PPM1A: variants seen among roughly 807,000 people sequenced by gnomAD.
The protein encoded by PPM1A is protein phosphatase, Mg2+/Mn2+ dependent 1A.
Under a neutral mutation model 35.0 loss-of-function variants are expected in PPM1A, and 7 were observed. That is an observed-to-expected ratio of 0.20 (90% confidence interval 0.11 to 0.38). PPM1A has a LOEUF of 0.38. Ranked by LOEUF, PPM1A falls within the 10% of genes least tolerant of loss-of-function variation. The pLI, the probability that PPM1A is intolerant of heterozygous loss-of-function variation, is 1.00. For synonymous variants in PPM1A, 153 were observed against 167.3 expected, an observed-to-expected ratio of 0.91 and a Z score of 0.66; for missense variants, 239 against 467.8, an observed-to-expected ratio of 0.51 and a Z score of 4.51.
upstream of PPM1A, among the ~76,000 whole-genome samples, chr14:60,247,685 A>G (rs1268401362): frequency 6.6e-6 from 1 of 151,228 alleles, no homozygotes; most frequent in Admixed American, 6.6e-5. Context: ...CCCCAAAGTC[A>G]TGTTGAGAAA....
intron 3 of PPM1A, chr14:60,288,350 T>C (rs1246928072): frequency 2.1e-6 from 2 of 973,654 alleles, no homozygotes; most frequent in Non-Finnish European, 2.4e-6. Flanking sequence ...TTTATTTCTA[T>C]TGTATCTAGT....
chr14:60,246,002 G>T (rs1444620740), upstream of PPM1A: 1 of 1,580,902 alleles, frequency 6.3e-7, no homozygotes. Context: ...GAGAAAAGAG[G>T]AAACCAAATG....
chr14:60,248,750 G>C (rs1881960939), upstream of PPM1A: 1 of 152,536 alleles, frequency 6.6e-6, no homozygotes, highest in East Asian at 1.9e-4. Context: ...AGTGGGGTTT[G>C]TATCTGCAGG....
At chr14:60,245,757 A>G (rs1881741963), upstream of PPM1A, 4 of 1,195,364 alleles carry the variant, frequency 3.3e-6, no homozygotes, top group Non-Finnish European at 4.6e-6. This position sits in a 1 kb window ranked among gnomAD's most constrained non-coding sequence, Gnocchi z 4.2. Context: ...CTCATAATGT[A>G]TTATGATGTA....
At position 60,274,730 on chromosome 14, in the gene PPM1A, C is replaced by T. The variant is rs549781433; in HGVS notation, c.-20-7954C>T. ...GTATCCAATCTGCCATTCATTGTCT[C>T]TATTGCAATTTTCAGTTCAGTAAAT... On this transcript the variant is annotated intron_variant, in intron 1 of 5. Coordinates refer to ENST00000395076, the MANE Select transcript of PPM1A (RefSeq NM_021003.5). Among the ~76,000 whole-genome samples the T allele has an allele frequency of 4.0e-5, 6 of 150,712 alleles. No individual in the cohort carries two copies. In the East Asian group the frequency reaches 1.2e-3, roughly 29 times the overall value.
At chr14:60,278,659 C>T (rs1476139406) in intron 1 of PPM1A, among the ~76,000 whole-genome samples, 1 of 152,158 alleles carries the variant, frequency 6.6e-6, no homozygotes, top group Non-Finnish European at 1.5e-5. Flanking sequence ...GTGAATAAAA[C>T]AAAAAGTCCC....
chr14:60,259,474 T>C (rs184854668), intron 1 of PPM1A, among the ~76,000 whole-genome samples: 175 of 152,210 alleles, frequency 1.1e-3, no homozygotes, highest in African/African-American at 3.6e-3. Flanking sequence ...AAGTCAGTTA[T>C]TGTTTTCTGG....
chr14:60,263,659 CA>C (rs1391035527), intron 1 of PPM1A, among the ~76,000 whole-genome samples: 1 of 152,188 alleles, frequency 6.6e-6, no homozygotes. Flanking sequence ...TTTCAACCCT[CA>C]CCCTCTCCCA....
intron 1 of PPM1A, among the ~76,000 whole-genome samples, chr14:60,277,891 C>T (rs1448170463): frequency 1.3e-5 from 2 of 152,134 alleles, no homozygotes; most frequent in Non-Finnish European, 2.9e-5. Context: ...TGTGAAGTGT[C>T]TTAAGCATAA....
chr14:60,283,066 T>A lies in PPM1A; in HGVS notation c.363T>A (p.Gly121=). 2 of 1,614,244 alleles carry A rather than the reference T, an allele frequency of 1.2e-6. No individual in the cohort carries two copies. Among genetic ancestry groups the A allele is most frequent in the Non-Finnish European group, 1.7e-6 (2 of 1,180,048 alleles). The stretch of plus-strand genomic sequence containing the variant: ...GAGTTATGTCAGAGAAGAAACATGG[T>A]GCAGATAGAAGTGGGTCAACAGCTG... ...HMRVMSEKKH[G]ADRSGSTAVG... Residue 121 remains glycine, a synonymous_variant, in exon 2 of 6, where the codon GGT becomes GGA. Transcript: ENST00000395076. The surrounding 1 kb of genome is among the most constrained non-coding windows in gnomAD (Gnocchi z 6.3).
intron 1 of PPM1A, among the ~76,000 whole-genome samples, chr14:60,264,073 C>T (rs953609594): frequency 6.6e-6 from 1 of 151,878 alleles, no homozygotes; most frequent in African/African-American, 2.4e-5. Context: ...TCTCTGAGTC[C>T]ACTTTTCTTC....
intron 1 of PPM1A, among the ~76,000 whole-genome samples, chr14:60,265,025 A>G (rs1209606090): frequency 6.6e-6 from 1 of 152,048 alleles, no homozygotes; most frequent in Non-Finnish European, 1.5e-5. Context: ...TTGCTTTTGC[A>G]GTCTCCTATT....
intron 5 of PPM1A, 94 bp downstream of exon 5, chr14:60,291,548 C>A: frequency 1.0e-6 from 1 of 962,500 alleles, no homozygotes; most frequent in Non-Finnish European, 1.5e-6. Flanking sequence ...TCACTGTACC[C>A]ATTCTCTTAC....
At chr14:60,281,242 G>T (rs59004094) in intron 1 of PPM1A, among the ~76,000 whole-genome samples, 10,858 of 152,138 alleles carry the variant, frequency 0.071, 618 homozygotes, top group African/African-American at 0.17. Flanking sequence ...TCACCATAAG[G>T]GATGGATGAT....
intron 3 of PPM1A, chr14:60,286,594 T>G: frequency 1.0e-6 from 1 of 985,334 alleles, no homozygotes; most frequent in Non-Finnish European, 1.2e-6. Context: ...AATTTGCACG[T>G]TAAAGACCTC....
At chr14:60,270,307 A>T (rs1422332134) in intron 1 of PPM1A, among the ~76,000 whole-genome samples, 2 of 151,806 alleles carry the variant, frequency 1.3e-5, no homozygotes, top group Non-Finnish European at 2.9e-5. Flanking sequence ...GTTTCTTTTC[A>T]TCCCTGTTTC....
At chr14:60,285,582 C>T (rs1886927611) in intron 2 of PPM1A, 42 bp from the exon 3 acceptor site, 3 of 1,596,418 alleles carry the variant, frequency 1.9e-6, no homozygotes, top group Non-Finnish European at 1.7e-6. Context: ...CTTTGAAGAG[C>T]AAAAAGAAAA....
intron 1 of PPM1A, among the ~76,000 whole-genome samples, chr14:60,251,682 G>A (rs1882436306): frequency 1.3e-5 from 2 of 152,044 alleles, no homozygotes; most frequent in Admixed American, 1.3e-4. Flanking sequence ...TATGTGTCAG[G>A]CACTTAGATG....
At chr14:60,287,026 A>G (rs1887091209) in intron 3 of PPM1A, 2 of 925,248 alleles carry the variant, frequency 2.2e-6, no homozygotes, top group Admixed American at 6.2e-5. Context: ...ATTTAAATTC[A>G]TAAGAATAAT....
Sources: allele counts gnomAD v4.1 joint callset (sites outside exome capture counted in the v4.1 genomes callset), GRCh38; gene constraint gnomAD v4.1.1; non-coding constraint Gnocchi (gnomAD v3.1); transcripts MANE v1.5; gene names NCBI Gene and HGNC (gene_info 2026-07-23, HGNC 2026-07-21).